The following KRT79 variants were observed in gnomAD, a reference collection of about 807,000 sequenced individuals.
KRT79 encodes the protein keratin 79.
Under a neutral mutation model 49.0 loss-of-function variants are expected in KRT79, and 51 were observed. The ratio of observed to expected loss-of-function variants is 1.04; its 90% CI spans 0.83 to 1.31. KRT79 has a LOEUF of 1.31. KRT79 is among the 40% of genes most tolerant of loss of function. The probability of loss-of-function intolerance (pLI) is 0.00; values close to 1 mark genes in which losing one functional copy is unlikely to be tolerated. For missense variants in KRT79, 728 were observed against 688.0 expected (o/e 1.06, Z -0.65); for synonymous variants, 312 against 286.6 (o/e 1.09, Z -0.90).
Position 52,821,614 on chromosome 12 carries a change from A to ACCGGATCATT in KRT79, c.*257_*258insAATGATCCGG. 1.3e-4 allele frequency: 49 copies of ACCGGATCATT among 391,558 alleles called. No homozygotes were observed. The highest frequency in any genetic ancestry group is 5.5e-4 in the South Asian group (17 of 30,826). The allele number at this position is 391,558 out of a possible 1,614,324, so 24.3% of individuals were successfully genotyped here. A position where few individuals can be genotyped will look rare whatever the true frequency, so the allele number is the denominator to read the frequency against. Reference sequence around the variant, plus strand: ...GAAATTCAGCCTCCTCTCGGTGGTCAAAAGGTCACCCCCAAGTCACCCAAG... The same window carrying ACCGGATCATT: ...GAAATTCAGCCTCCTCTCGGTGGTCACCGGATCATTAAAGGTCACCCCCAAGTCACCCAAG... On this transcript the variant is annotated 3_prime_UTR_variant, in exon 9 of 9. Transcript: ENST00000330553.
Position 52,823,111 on chromosome 12 carries a change from C to T in KRT79, c.1272G>A (p.Arg424=), listed in dbSNP as rs905608869. Residue 424 remains arginine (R), a synonymous_variant, in exon 7 of 9, where the codon CGG becomes CGA. Coordinates refer to ENST00000330553, the MANE Select transcript of KRT79 (RefSeq NM_175834.3). The part of the protein sequence containing the change: ...ALHQAKEDLT[R]LLRDYQELMN... Reference sequence around the variant, plus strand: ...TCAGCTCCTGGTAGTCACGCAGCAGCCGTGTCAGGTCCTCCTTGGCCTGGT... The same window carrying T: ...TCAGCTCCTGGTAGTCACGCAGCAGTCGTGTCAGGTCCTCCTTGGCCTGGT... The T allele has an allele frequency of 1.4e-5, 22 of 1,614,078 alleles. No individual in the cohort carries two copies. Among genetic ancestry groups the T allele is most frequent in the African/African-American group, 2.7e-5 (2 of 74,932 alleles).
chr12:52,821,762 T>A lies in KRT79; in HGVS notation c.*110A>T. ...TAGTCTGGTATGAAAATACCCTGGG[T>A]CTGAGGTCCCCTGGCTGTTCCTGCT... is the stretch of plus-strand genomic sequence containing the variant. On this transcript the variant is annotated 3_prime_UTR_variant, in exon 9 of 9. Coordinates refer to ENST00000330553, the MANE Select transcript of KRT79 (RefSeq NM_175834.3). The A allele has an allele frequency of 1.1e-6, 1 of 935,276 alleles. No individual in the cohort carries two copies. Among genetic ancestry groups the A allele is most frequent in the Non-Finnish European group, 1.6e-6 (1 of 606,582 alleles). 57.9% of individuals were successfully genotyped at this position (935,276 alleles called of 1,614,324 possible).
At chr12:52,824,703 G>A (rs1940153225) in intron 4 of KRT79, among the ~76,000 whole-genome samples, 1 of 152,228 alleles carries the variant, frequency 6.6e-6, no homozygotes, top group Non-Finnish European at 1.5e-5. Context: ...ACCCTGTGCA[G>A]CTGGCAGGCC....
At position 52,834,138 on chromosome 12, in the gene KRT79, G is replaced by C; in HGVS notation, c.123C>G (p.Ser41Arg). The C allele has an allele frequency of 6.2e-6, 10 of 1,613,500 alleles. No homozygotes were observed. The highest frequency in any genetic ancestry group is 8.5e-6 in the Non-Finnish European group (10 of 1,179,884). ...AGTGGGCCCCGCCACCACTGCCACT[G>C]CTCCGAGACACCGTCACTGAGCTGA... ...TSFSSVTVSR[S>R]SGSGGGAHCG... The change falls in exon 1 of 9, where the codon AGC becomes AGG. Residue 41 changes from serine to arginine, a missense_variant. Ser to Arg is a moderately radical substitution (Grantham distance 110, BLOSUM62 -1). Transcript: ENST00000330553.
rs375561319 is a variant in KRT79 at position 52,827,170 on chromosome 12, T to G, written c.856-2808A>C. 2.0e-4 allele frequency among the ~76,000 whole-genome samples: 30 copies of G among 152,244 alleles called. No individual in the cohort carries two copies. In the East Asian group the frequency reaches 5.0e-3, roughly 26 times the overall value. On this transcript the variant is annotated intron_variant, in intron 4 of 8. Coordinates refer to ENST00000330553, the MANE Select transcript of KRT79 (RefSeq NM_175834.3). ...TAGAAGTCTAGCCCTTCCATCAAGA[T>G]CCAACTCAGAAGTCACCTCCCTCGA...
At chr12:52,824,174 A>G in intron 5 of KRT79, 24 bp downstream of exon 5, 1 of 1,613,974 alleles carries the variant, frequency 6.2e-7, no homozygotes, top group East Asian at 2.2e-5. Context: ...CAGGCCTCAC[A>G]CCTGAGCCAG....
At chr12:52,823,772 G>A in intron 6 of KRT79, 115 bp downstream of exon 6, 1 of 1,240,148 alleles carries the variant, frequency 8.1e-7, no homozygotes, top group Non-Finnish European at 1.1e-6. Context: ...GTGATCAATG[G>A]CCTAGCATTC....
intron 2 of KRT79, 40 bp downstream of exon 2, chr12:52,831,366 C>A: frequency 6.3e-7 from 1 of 1,590,614 alleles, no homozygotes. Flanking sequence ...CACTGCCCCT[C>A]CTCACTCCCA....
At chr12:52,833,061 C>T (rs553231196) in intron 1 of KRT79, among the ~76,000 whole-genome samples, 2 of 152,312 alleles carry the variant, frequency 1.3e-5, no homozygotes, top group South Asian at 4.1e-4. Flanking sequence ...CGAAACAGAC[C>T]AGGAAATCCC....
chr12:52,824,012 A>G lies in KRT79; in HGVS notation c.1021T>C (p.Tyr341His). The G allele has an allele frequency of 6.2e-7, 1 of 1,614,094 alleles. No individual in the cohort carries two copies. Among genetic ancestry groups the G allele is most frequent in the African/African-American group, 1.3e-5 (1 of 75,040 alleles). ...AEAEAWYQTKYEELQVTAGKH... is the reference protein window; with the variant it reads ...AEAEAWYQTKHEELQVTAGKH... ...CCAGCAGTCACCTGCAGCTCCTCATACTGGGGACCAAAGAAGTGGCAGTGC... is the reference window on the plus strand; with the variant it reads ...CCAGCAGTCACCTGCAGCTCCTCATGCTGGGGACCAAAGAAGTGGCAGTGC... The change falls in exon 6 of 9, where the codon TAT becomes CAT. Residue 341 changes from tyrosine (Y) to histidine (H), a missense_variant and splice_region_variant. Coordinates refer to ENST00000330553, the MANE Select transcript of KRT79 (RefSeq NM_175834.3).
intron 4 of KRT79, 84 bp downstream of exon 4, chr12:52,829,939 G>T: frequency 8.8e-7 from 1 of 1,135,806 alleles, no homozygotes; most frequent in Non-Finnish European, 1.3e-6. Context: ...GGTTGCACTG[G>T]TGAATTCAGG....
chr12:52,829,146 G>A (rs1940214444), intron 4 of KRT79, among the ~76,000 whole-genome samples: 1 of 152,192 alleles, frequency 6.6e-6, no homozygotes, highest in African/African-American at 2.4e-5. Flanking sequence ...TTGGTCTTGA[G>A]GTCCCTGCGG....
At chr12:52,827,873 C>T (rs1329444209) in intron 4 of KRT79, among the ~76,000 whole-genome samples, 1 of 152,134 alleles carries the variant, frequency 6.6e-6, no homozygotes, top group Non-Finnish European at 1.5e-5. Context: ...GATGAGAGAC[C>T]TTGGCCTTGT....
At position 52,824,107 on chromosome 12, in the gene KRT79, G is replaced by A. The variant is rs957233973; in HGVS notation, c.1020+91C>T. Reference sequence around the variant, plus strand: ...GCAAGTTGAGTATATCTGGCCCCCCGGACTCCAAGGGTCCCAGAGGCCCAA... The same window carrying A: ...GCAAGTTGAGTATATCTGGCCCCCCAGACTCCAAGGGTCCCAGAGGCCCAA... On this transcript the variant is annotated intron_variant, in intron 5 of 8. Coordinates refer to ENST00000330553, the MANE Select transcript of KRT79 (RefSeq NM_175834.3). 7.3e-5 allele frequency: 117 copies of A among 1,611,588 alleles called. 1 individual carries two copies. The highest frequency in any genetic ancestry group is 5.1e-4 in the Middle Eastern group (3 of 5,848).
intron 4 of KRT79, among the ~76,000 whole-genome samples, chr12:52,827,191 C>T (rs1410615962): frequency 2.6e-5 from 4 of 151,398 alleles, no homozygotes; most frequent in African/African-American, 9.8e-5. Flanking sequence ...AGTCACCTCC[C>T]TCGAAGGCTT....
chr12:52,831,370 A>C (rs774840377), intron 2 of KRT79, 36 bp downstream of exon 2: 2 of 1,593,764 alleles, frequency 1.3e-6, no homozygotes, highest in Non-Finnish European at 1.7e-6. Flanking sequence ...GCCCCTCCTC[A>C]CTCCCACATG....
chr12:52,833,887 G>T lies in KRT79; in HGVS notation c.374C>A (p.Thr125Asn), dbSNP rs1940293398. Reference sequence around the variant, plus strand: ...GGGGTCAATCTCCACATGGAGGGGGGTCAGCAGGCTCTGGTTGACAGTGAC... The same window carrying T: ...GGGGTCAATCTCCACATGGAGGGGGTTCAGCAGGCTCTGGTTGACAGTGAC... Reference protein sequence around the residue: ...QEVTVNQSLLTPLHVEIDPEI... With the variant: ...QEVTVNQSLLNPLHVEIDPEI... The change falls in exon 1 of 9, where the codon ACC becomes AAC. Residue 125 changes from threonine to asparagine, a missense_variant. By Grantham distance (65) the Thr-to-Asn change is moderately conservative. Coordinates refer to ENST00000330553, the MANE Select transcript of KRT79 (RefSeq NM_175834.3). The T allele has an allele frequency of 6.2e-7, 1 of 1,613,892 alleles. No homozygotes were observed. Among genetic ancestry groups the T allele is most frequent in the East Asian group, 2.2e-5 (1 of 44,852 alleles).
At chr12:52,827,671 G>A (rs2121282718) in intron 4 of KRT79, among the ~76,000 whole-genome samples, 1 of 152,318 alleles carries the variant, frequency 6.6e-6, no homozygotes, top group East Asian at 1.9e-4. Context: ...CCAGGGGTCA[G>A]AGGCTGCTAG....
At chr12:52,830,177 T>G in intron 3 of KRT79, 55 bp downstream of exon 3, 1 of 1,612,652 alleles carries the variant, frequency 6.2e-7, no homozygotes, top group South Asian at 1.1e-5. Context: ...TCTCCCCGAA[T>G]CAGCCCAGTA....
Sources: gnomAD v4.1 joint callset for allele counts (sites outside exome capture counted in the v4.1 genomes callset) on GRCh38, gnomAD v4.1.1 for gene constraint, MANE v1.5 for transcripts, NCBI Gene and HGNC (gene_info 2026-07-23, HGNC 2026-07-21) for gene names.